PARP16: variants seen among roughly 807,000 people sequenced by gnomAD.
The protein encoded by PARP16 is protein mono-ADP-ribosyltransferase PARP16.
A neutral mutation model predicts 35.0 loss-of-function variants in PARP16; 31 were observed. That is an observed-to-expected ratio of 0.88 (90% CI 0.66 to 1.19). The LOEUF is 1.19. PARP16 is among the 50% of genes most tolerant of loss of function. The pLI is 0.00. For missense variants in PARP16, 424 were observed against 411.2 expected, an observed-to-expected ratio of 1.03 and a Z score of -0.27; for synonymous variants, 162 against 169.5, an observed-to-expected ratio of 0.96 and a Z score of 0.34.
chr15:65,245,603 T>C (rs1463351215), intron 3 of PARP16, among the ~76,000 whole-genome samples: 1 of 152,020 alleles, frequency 6.6e-6, no homozygotes, highest in African/African-American at 2.4e-5. Flanking sequence ...CTGTTTGCAA[T>C]AACTAGGCCA....
intron 2 of PARP16, among the ~76,000 whole-genome samples, chr15:65,248,476 T>C (rs1307570332): frequency 6.6e-6 from 1 of 152,026 alleles, no homozygotes; most frequent in Non-Finnish European, 1.5e-5. Flanking sequence ...GATACTCACA[T>C]ACATGGGCTT....
rs1169885643 is a variant in PARP16 at position 65,240,760 on chromosome 15, AAAT to A, written c.*98-5940_*98-5938del. Among the ~76,000 whole-genome samples the A allele has an allele frequency of 3.4e-4, 52 of 152,120 alleles. 1 individual carries two copies. In the South Asian group the frequency reaches 0.011, roughly 31 times the overall value. On this transcript the variant is annotated intron_variant and NMD_transcript_variant, in intron 3 of 3. Transcript: ENST00000559805. ...GCTTCTGCTGTCGTTTTTCTTGGGT[AAAT>A]ACCTAGGAGAGAAGTGACTGGATCA...
At chr15:65,272,289 T>C (rs1197341291) in intron 1 of PARP16, among the ~76,000 whole-genome samples, 1 of 152,234 alleles carries the variant, frequency 6.6e-6, no homozygotes, top group African/African-American at 2.4e-5. Context: ...CTCAGCCTAG[T>C]TGTCATTGCA....
chr15:65,262,593 A>T (rs966901016), intron 4 of PARP16, among the ~76,000 whole-genome samples: 2 of 152,210 alleles, frequency 1.3e-5, no homozygotes, highest in Non-Finnish European at 2.9e-5. Flanking sequence ...TGGAGAGCTC[A>T]GGACTCCCCA....
At chr15:65,267,497 C>T (rs936557466) in intron 2 of PARP16, among the ~76,000 whole-genome samples, 8 of 151,046 alleles carry the variant, frequency 5.3e-5, no homozygotes. Flanking sequence ...GTCCCAGCTA[C>T]TCGGGAGGCT....
intron 3 of PARP16, among the ~76,000 whole-genome samples, chr15:65,247,747 C>T (rs2089246628): frequency 6.7e-6 from 1 of 149,770 alleles, no homozygotes; most frequent in African/African-American, 2.5e-5. Flanking sequence ...CACACAGAGA[C>T]ATGTATACAC....
At chr15:65,241,384 G>A (rs1279713381) in intron 3 of PARP16, among the ~76,000 whole-genome samples, 2 of 151,986 alleles carry the variant, frequency 1.3e-5, no homozygotes, top group South Asian at 2.1e-4. Context: ...CAGGTGATCC[G>A]CCCACCTTGG....
rs2090591877 is a variant in PARP16 at position 65,286,294 on chromosome 15, CG to C, written c.132del (p.Ala45ArgfsTer24). 6.2e-7 allele frequency: 1 copy of C among 1,600,558 alleles called. No individual in the cohort carries two copies. Among genetic ancestry groups the C allele is most frequent in the Non-Finnish European group, 8.5e-7 (1 of 1,174,920 alleles). ...TTACAGTCGCCGCGGGCGTAGGACG[CG>C]GGGAAGGGCCGCAGCACCGAGTCGC... ...YKRDSVLRPF[P>X]ASYARGDCKD... is the part of the protein sequence containing the mutation. On this transcript the variant is annotated frameshift_variant, in exon 1 of 6. Transcript: ENST00000649807. LOFTEE classifies it high-confidence loss of function.
At chr15:65,283,993 C>T (rs1367124420) in intron 1 of PARP16, among the ~76,000 whole-genome samples, 3 of 152,142 alleles carry the variant, frequency 2.0e-5, no homozygotes, top group African/African-American at 2.4e-5. Context: ...GAGATGCCCT[C>T]GACACATCAT....
In PARP16 at chr15:65,259,096, G is replaced by T. The variant is rs12909017; in HGVS notation, c.*311C>A. 2 of 233,242 alleles carry T rather than the reference G, an allele frequency of 8.6e-6. No individual in the cohort carries two copies. Among genetic ancestry groups the T allele is most frequent in the South Asian group, 1.3e-4 (1 of 7,954 alleles). The allele number at this position is 233,242 out of a possible 1,614,324, so 14.4% of individuals were successfully genotyped here. On this transcript the variant is annotated 3_prime_UTR_variant, in exon 6 of 6. Coordinates refer to ENST00000649807, the MANE Select transcript of PARP16 (RefSeq NM_001316943.2). ...ACACCACTGACAGCTTGGACACTTT[G>T]TTTTTAAATGCAGCAGGGCTTTTTC...
intron 3 of PARP16, among the ~76,000 whole-genome samples, chr15:65,239,424 TAAAAAAA>T (rs758350761): frequency 6.0e-3 from 42 of 6,958 alleles, no homozygotes; most frequent in East Asian, 0.026. Context: ...AGACTTTGCC[TAAAAAAA>T]AAAAAAAAAA....
In PARP16 at chr15:65,266,654, C is replaced by T; in HGVS notation, c.427G>A (p.Gly143Arg). Reference sequence around the variant, plus strand: ...AATGCATAGATTAGGTCTCGTTCTCCTTTGGTCTCATAAAATTTGGCGTTG... The same window carrying T: ...AATGCATAGATTAGGTCTCGTTCTCTTTTGGTCTCATAAAATTTGGCGTTG... Reference protein sequence around the residue: ...PANAKFYETKGERDLIYAFHG... With the variant: ...PANAKFYETKRERDLIYAFHG... The change falls in exon 3 of 6, where the codon GGA (glycine) becomes AGA (arginine). Residue 143 changes from glycine (G) to arginine (R), a missense_variant. By Grantham distance (125) the Gly-to-Arg change is moderately radical. Coordinates refer to ENST00000649807, the MANE Select transcript of PARP16 (RefSeq NM_001316943.2). The T allele has an allele frequency of 1.2e-6, 2 of 1,614,122 alleles. No homozygotes were observed. Among genetic ancestry groups the T allele is most frequent in the East Asian group, 4.5e-5 (2 of 44,882 alleles).
At chr15:65,235,661 T>G (rs967837274) in intron 3 of PARP16, among the ~76,000 whole-genome samples, 10 of 144,408 alleles carry the variant, frequency 6.9e-5, no homozygotes, top group Middle Eastern at 3.3e-3. Flanking sequence ...AAAAAAAAAT[T>G]AGCCGGGCAT....
downstream of PARP16, among the ~76,000 whole-genome samples, chr15:65,254,167 T>C: frequency 6.6e-6 from 1 of 152,184 alleles, no homozygotes; most frequent in East Asian, 1.9e-4. Flanking sequence ...GTGGCTGATA[T>C]AAAGTATTCA....
intron 3 of PARP16, among the ~76,000 whole-genome samples, chr15:65,240,356 G>A (rs1487531832): frequency 6.7e-6 from 1 of 148,876 alleles, no homozygotes; most frequent in Non-Finnish European, 1.5e-5. Flanking sequence ...GTGTGTGTGT[G>A]TGTGTGTTGG....
At position 65,271,004 on chromosome 15, in the gene PARP16, C is replaced by T; in HGVS notation, c.243G>A (p.Arg81=). The stretch of plus-strand genomic sequence containing the variant: ...AAATCCAGCTCACCAGGTCCCAGGC[C>T]CGTTTGTGGTTGTCTCCGGAGGACT... The part of the protein sequence containing the change: ...LLQSSGDNHK[R]AWDLVSWILS... Residue 81 remains arginine (R), a synonymous_variant, in exon 2 of 6, where the codon CGG becomes CGA. Transcript: ENST00000649807. 1.2e-6 allele frequency: 2 copies of T among 1,614,050 alleles called. No individual in the cohort carries two copies. The highest frequency in any genetic ancestry group is 1.7e-6 in the Non-Finnish European group (2 of 1,179,986).
chr15:65,286,041 C>T (rs1425079682), intron 1 of PARP16, among the ~76,000 whole-genome samples: 1 of 152,216 alleles, frequency 6.6e-6, no homozygotes, highest in Non-Finnish European at 1.5e-5. Flanking sequence ...GAAGCAGCCA[C>T]CAAGTGCCTT....
intron 2 of PARP16, among the ~76,000 whole-genome samples, chr15:65,268,970 G>A (rs2089995538): frequency 6.6e-6 from 1 of 152,090 alleles, no homozygotes; most frequent in African/African-American, 2.4e-5. Context: ...GGCCAGGCTG[G>A]TCTTGAACTC....
At chr15:65,273,370 G>C in intron 1 of PARP16, among the ~76,000 whole-genome samples, 1 of 150,790 alleles carries the variant, frequency 6.6e-6, no homozygotes, top group Non-Finnish European at 1.5e-5. Context: ...TAGCTCTGTA[G>C]TTGAAAATTA....
Sources: allele counts gnomAD v4.1 joint callset (sites outside exome capture counted in the v4.1 genomes callset), GRCh38; gene constraint gnomAD v4.1.1; transcripts MANE v1.5; gene names NCBI Gene and HGNC (gene_info 2026-07-23, HGNC 2026-07-21).